Variants in ELAVL1 observed in about 807,000 individuals in gnomAD.
ELAVL1 encodes the protein ELAV-like protein 1.
In ELAVL1, 1 loss-of-function variant was observed where a neutral mutation model predicts 28.4. That is an observed-to-expected ratio of 0.04 (90% CI 0.01 to 0.17). ELAVL1 has a LOEUF of 0.17. ELAVL1 is among the 10% of genes least tolerant of loss of function. The probability of loss-of-function intolerance (pLI) is 1.00; values close to 1 mark genes in which losing one functional copy is unlikely to be tolerated. For synonymous variants in ELAVL1, 174 were observed against 183.5 expected, an observed-to-expected ratio of 0.95 and a Z score of 0.42; for missense variants, 157 against 447.2, an observed-to-expected ratio of 0.35 and a Z score of 5.85.
rs552938606 is a variant in ELAVL1 at position 8,000,936 on chromosome 19, G to A, written c.-17+4559C>T. 3.3e-5 allele frequency among the ~76,000 whole-genome samples: 5 copies of A among 152,358 alleles called. No homozygotes were observed. In the East Asian group the frequency reaches 9.6e-4, roughly 29 times the overall value. ...TGGCTGGTCAAGGCCAAAGGCCACT[G>A]CAGGGATCTCACACAGAAGTGCAAA... On this transcript the variant is annotated intron_variant, in intron 1 of 5. Coordinates refer to ENST00000407627, the MANE Select transcript of ELAVL1 (RefSeq NM_001419.3).
rs898562785 is a variant in ELAVL1, at chr19:7,962,811, A to G, written c.*672T>C. 6.5e-6 allele frequency: 1 copy of G among 152,698 alleles called. No homozygotes were observed. Among genetic ancestry groups the G allele is most frequent in the African/African-American group, 2.4e-5 (1 of 41,464 alleles). The allele number at this position is 152,698 out of a possible 1,614,324, so 9.5% of individuals were successfully genotyped here. A position where few individuals can be genotyped will look rare whatever the true frequency, so the allele number is the denominator to read the frequency against. ...GAGTTTCCCTGAAACTCTTTGGTCC[A>G]TTCCCATTGGTGCCTGGGCTTACGA... On this transcript the variant is annotated 3_prime_UTR_variant, in exon 6 of 6. Coordinates refer to ENST00000407627, the MANE Select transcript of ELAVL1 (RefSeq NM_001419.3).
intron 2 of ELAVL1, among the ~76,000 whole-genome samples, chr19:7,985,107 A>T (rs1985566045): frequency 6.6e-6 from 1 of 152,092 alleles, no homozygotes; most frequent in East Asian, 1.9e-4. Flanking sequence ...TTTTGTAGAG[A>T]TGGGGTTTCG....
intron 1 of ELAVL1, among the ~76,000 whole-genome samples, chr19:7,996,606 G>T (rs923185592): frequency 6.6e-6 from 1 of 151,886 alleles, no homozygotes; most frequent in Non-Finnish European, 1.5e-5. Context: ...AGGAGTTTGA[G>T]ACCAGTCCGG....
At chr19:7,989,183 C>T (rs900480889) in intron 2 of ELAVL1, among the ~76,000 whole-genome samples, 14 of 152,110 alleles carry the variant, frequency 9.2e-5, no homozygotes, top group African/African-American at 3.4e-4. Flanking sequence ...GACCTAGCGC[C>T]GTGCCCCGGG....
intron 1 of ELAVL1, among the ~76,000 whole-genome samples, chr19:7,995,189 C>T (rs1170421272): frequency 6.6e-6 from 1 of 152,168 alleles, no homozygotes; most frequent in Non-Finnish European, 1.5e-5. Context: ...CAGACAAAAA[C>T]ATTTGCTGGA....
intron 1 of ELAVL1, among the ~76,000 whole-genome samples, 191 bp downstream of exon 1, chr19:8,005,304 G>A (rs932441908): frequency 4.6e-5 from 7 of 150,718 alleles, no homozygotes; most frequent in Admixed American, 2.6e-4. Flanking sequence ...CCCGGGGCCT[G>A]TAGCCGGCGC....
At chr19:7,976,835 G>A (rs1292702956) in intron 3 of ELAVL1, among the ~76,000 whole-genome samples, 4 of 149,624 alleles carry the variant, frequency 2.7e-5, no homozygotes, top group South Asian at 4.2e-4. Flanking sequence ...GACCTGACAC[G>A]CTACATTTTT....
chr19:8,004,132 G>A (rs1246893333), intron 1 of ELAVL1, among the ~76,000 whole-genome samples: 1 of 152,154 alleles, frequency 6.6e-6, no homozygotes, highest in African/African-American at 2.4e-5. Flanking sequence ...GCAGACAAAC[G>A]TCCACAAAGT....
intron 4 of ELAVL1, among the ~76,000 whole-genome samples, chr19:7,969,954 T>A (rs1430832531): frequency 6.6e-6 from 1 of 152,106 alleles, no homozygotes; most frequent in Non-Finnish European, 1.5e-5. Flanking sequence ...TTTGTTTTTT[T>A]CTTCCCCTAG....
chr19:7,968,735 G>C (rs1459978355), intron 4 of ELAVL1, among the ~76,000 whole-genome samples: 2 of 152,266 alleles, frequency 1.3e-5, no homozygotes, highest in Admixed American at 6.5e-5. Context: ...ATGGGTGTGA[G>C]ATGCTGAGCA....
chr19:7,991,952 T>C lies in ELAVL1; in HGVS notation c.-16-121A>G, dbSNP rs1349956025. The C allele has an allele frequency of 2.0e-5, 18 of 919,928 alleles. No individual in the cohort carries two copies. In the South Asian group the frequency reaches 2.2e-4, roughly 11 times the overall value. 57.0% of individuals were successfully genotyped at this position (919,928 alleles called of 1,614,324 possible). A position where few individuals can be genotyped will look rare whatever the true frequency, so the allele number is the denominator to read the frequency against. ...TCTTTCTTTTTTTTTTTTTTTGTTT[T>C]GTTTTTGAGACAGAGTCTCACTCTG... On this transcript the variant is annotated intron_variant, in intron 1 of 5. Coordinates refer to ENST00000407627, the MANE Select transcript of ELAVL1 (RefSeq NM_001419.3).
chr19:7,970,346 G>A (rs1985072565), intron 4 of ELAVL1, among the ~76,000 whole-genome samples: 1 of 152,166 alleles, frequency 6.6e-6, no homozygotes, highest in African/African-American at 2.4e-5. Context: ...TAGTGGAGAC[G>A]GGGTTTCACC....
intron 2 of ELAVL1, among the ~76,000 whole-genome samples, chr19:7,985,023 G>A (rs754260333): frequency 6.6e-6 from 1 of 152,156 alleles, no homozygotes; most frequent in Non-Finnish European, 1.5e-5. Flanking sequence ...AGGCTCAGGC[G>A]ATGCTCCCAC....
chr19:8,004,032 G>A (rs1197000777), intron 1 of ELAVL1, among the ~76,000 whole-genome samples: 1 of 152,196 alleles, frequency 6.6e-6, no homozygotes, highest in African/African-American at 2.4e-5. Flanking sequence ...GCATGAGACT[G>A]GTCACATCAA....
chr19:7,998,586 T>C (rs1291938665), intron 1 of ELAVL1, among the ~76,000 whole-genome samples: 1 of 152,224 alleles, frequency 6.6e-6, no homozygotes, highest in African/African-American at 2.4e-5. Context: ...GCCTCTGCTT[T>C]GGCTGTTCCC....
chr19:7,968,668 C>T (rs1469226562), intron 4 of ELAVL1, among the ~76,000 whole-genome samples: 3 of 152,252 alleles, frequency 2.0e-5, no homozygotes, highest in Non-Finnish European at 2.9e-5. Context: ...AATCCCTGGA[C>T]GGAGCAGTGT....
chr19:7,987,086 G>T (rs1056078146), intron 2 of ELAVL1, among the ~76,000 whole-genome samples: 70 of 129,936 alleles, frequency 5.4e-4, no homozygotes, highest in African/African-American at 1.9e-3. Context: ...AATCACAAGC[G>T]CCCAAGAGTA....
intron 1 of ELAVL1, among the ~76,000 whole-genome samples, chr19:8,004,726 G>A (rs1363944239): frequency 6.6e-6 from 1 of 152,124 alleles, no homozygotes; most frequent in East Asian, 1.9e-4. Flanking sequence ...CCCACCACGG[G>A]AAGCCCATGC....
At chr19:7,972,209 A>C (rs1985132887) in intron 4 of ELAVL1, among the ~76,000 whole-genome samples, 1 of 152,368 alleles carries the variant, frequency 6.6e-6, no homozygotes, top group East Asian at 1.9e-4. Context: ...AACAGAGCTG[A>C]GCGATCCTAA....
Sources: gnomAD v4.1 joint callset for allele counts (sites outside exome capture counted in the v4.1 genomes callset) on GRCh38, gnomAD v4.1.1 for gene constraint, MANE v1.5 for transcripts, NCBI Gene and HGNC (gene_info 2026-07-23, HGNC 2026-07-21) for gene names.